Variants in SERPINB7 observed in about 807,000 individuals in gnomAD.
The protein encoded by SERPINB7 is serpin family B member 7, also known as serpin B7.
A neutral mutation model predicts 37.4 loss-of-function variants in SERPINB7; 31 were observed. That is an observed-to-expected ratio of 0.83 (90% confidence interval 0.62 to 1.12). SERPINB7 has a LOEUF of 1.12. SERPINB7 is among the 50% of genes most tolerant of loss of function. The pLI, the probability that SERPINB7 is intolerant of heterozygous loss-of-function variation, is 0.00. For missense variants in SERPINB7, 521 were observed against 455.3 expected, an observed-to-expected ratio of 1.14 and a Z score of -1.31; for synonymous variants, 163 against 166.1, an observed-to-expected ratio of 0.98 and a Z score of 0.14.
chr18:63,793,302 A>G, intron 4 of SERPINB7, 25 bp downstream of exon 4: 1 of 1,213,182 alleles, frequency 8.2e-7, no homozygotes, highest in African/African-American at 1.5e-5. Context: ...CTTTGTTAGA[A>G]GGACCTGAAT....
chr18:63,798,858 T>C (rs2049517778), intron 6 of SERPINB7, 112 bp downstream of exon 6: 4 of 1,098,234 alleles, frequency 3.6e-6, no homozygotes, highest in Non-Finnish European at 5.2e-6. Flanking sequence ...ACCCATTTCT[T>C]CTTTTGCATT....
At chr18:63,779,697 T>C (rs779714742) in intron 1 of SERPINB7, among the ~76,000 whole-genome samples, 32 of 152,120 alleles carry the variant, frequency 2.1e-4, no homozygotes, top group Admixed American at 4.6e-4. Context: ...TTATGTACTC[T>C]GTATCCTGAA....
chr18:63,800,344 G>A (rs1206458609), intron 6 of SERPINB7, among the ~76,000 whole-genome samples: 1 of 152,076 alleles, frequency 6.6e-6, no homozygotes, highest in Non-Finnish European at 1.5e-5. Context: ...TTACAGGCAT[G>A]AGCCACAGCG....
At chr18:63,776,655 G>A (rs1179188704) in intron 1 of SERPINB7, among the ~76,000 whole-genome samples, 1 of 149,960 alleles carries the variant, frequency 6.7e-6, no homozygotes, top group Non-Finnish European at 1.5e-5. Flanking sequence ...ACCAAGGTCT[G>A]TGAGAAGCTC....
At chr18:63,786,626 A>T (rs532296490) in intron 2 of SERPINB7, among the ~76,000 whole-genome samples, 40 of 151,910 alleles carry the variant, frequency 2.6e-4, no homozygotes, top group Admixed American at 3.9e-4. Flanking sequence ...CTTTTTTTTT[A>T]AAAAAAATCC....
At chr18:63,760,265 C>A (rs1218453672) in intron 1 of SERPINB7, among the ~76,000 whole-genome samples, 1 of 152,076 alleles carries the variant, frequency 6.6e-6, no homozygotes, top group East Asian at 1.9e-4. Context: ...TGGCTTTTTG[C>A]CCCTGCCCTA....
chr18:63,755,538 T>A (rs1339536698), intron 1 of SERPINB7, among the ~76,000 whole-genome samples: 2 of 152,164 alleles, frequency 1.3e-5, no homozygotes, highest in Admixed American at 6.5e-5. Flanking sequence ...AGTATCATTT[T>A]AAAAGGTGAA....
chr18:63,798,224 A>G (rs569497752), intron 5 of SERPINB7, among the ~76,000 whole-genome samples: 1 of 152,334 alleles, frequency 6.6e-6, no homozygotes, highest in African/African-American at 2.4e-5. Context: ...TGTAGTAGCA[A>G]AAGGTGGCCT....
Position 63,804,732 on chromosome 18 carries a change from T to G in SERPINB7, c.*97T>G. ...TTAATTGGAAAAATGTGGTGTTTCC[T>G]TTGAGTTTATTTCTTCCTAACATTG... On this transcript the variant is annotated 3_prime_UTR_variant, in exon 8 of 8. Transcript: ENST00000398019. 2.4e-6 allele frequency: 3 copies of G among 1,253,790 alleles called. No homozygotes were observed. The South Asian group carries it at 4.4e-5, about 18-fold the overall frequency. 77.7% of individuals were successfully genotyped at this position (1,253,790 alleles called of 1,614,324 possible). A position where few individuals can be genotyped will look rare whatever the true frequency, so the allele number is the denominator to read the frequency against.
At chr18:63,776,269 AACCTCT>A (rs1363970956) in intron 1 of SERPINB7, among the ~76,000 whole-genome samples, 1 of 151,998 alleles carries the variant, frequency 6.6e-6, no homozygotes, top group Non-Finnish European at 1.5e-5. Context: ...ACATCACCAG[AACCTCT>A]AAAACCTCCC....
At chr18:63,775,178 T>A (rs2049236021), upstream of SERPINB7, among the ~76,000 whole-genome samples, 1 of 152,170 alleles carries the variant, frequency 6.6e-6, no homozygotes, top group Admixed American at 6.5e-5. Context: ...TGACAGATAC[T>A]GTTGATTCTG....
At position 63,794,110 on chromosome 18, in the gene SERPINB7, ATTTTTTTTTTTT is replaced by A. The variant is rs34450022; in HGVS notation, c.336+845_336+856del. Among the ~76,000 whole-genome samples the A allele has an allele frequency of 4.7e-5, 5 of 105,556 alleles. No homozygotes were observed. In the East Asian group the frequency reaches 9.3e-4, roughly 20 times the overall value. 69.2% of individuals were successfully genotyped at this position (105,556 alleles called of 152,430 possible). ...AGGCACGTGCCACCACATCCTGCTA[ATTTTTTTTTTTT>A]TTTTTTTTTTTGTATTTTTAGTAGA... On this transcript the variant is annotated intron_variant, in intron 4 of 7. Transcript: ENST00000398019.
At chr18:63,753,544 C>A (rs983717838) in intron 1 of SERPINB7, among the ~76,000 whole-genome samples, 1 of 152,110 alleles carries the variant, frequency 6.6e-6, no homozygotes, top group African/African-American at 2.4e-5. Context: ...GTGTCACAGA[C>A]CTACTGATTA....
chr18:63,782,046 G>A lies in SERPINB7; in HGVS notation c.-18-309G>A, dbSNP rs566971573. Among the ~76,000 whole-genome samples the A allele has an allele frequency of 2.6e-5, 4 of 152,232 alleles. No individual in the cohort carries two copies. In the South Asian group the frequency reaches 6.2e-4, roughly 24 times the overall value. ...TAATATTTACTTTTGCTCTATTTCA[G>A]TTCAGAAATCTGGGGTGATTTGAGA... On this transcript the variant is annotated intron_variant, in intron 1 of 7. Coordinates refer to ENST00000398019, the MANE Select transcript of SERPINB7 (RefSeq NM_003784.4).
At chr18:63,765,039 A>G (rs1368182859) in intron 1 of SERPINB7, among the ~76,000 whole-genome samples, 1 of 152,188 alleles carries the variant, frequency 6.6e-6, no homozygotes, top group African/African-American at 2.4e-5. Context: ...AAATTGCAGA[A>G]TTTGTTTATG....
intron 4 of SERPINB7, among the ~76,000 whole-genome samples, chr18:63,795,540 G>A (rs1270083001): frequency 6.7e-6 from 1 of 149,900 alleles, no homozygotes; most frequent in Non-Finnish European, 1.5e-5. Context: ...CAGCCTGCAA[G>A]GGGACAAGAG....
chr18:63,774,098 T>TA (rs1340222151), upstream of SERPINB7, among the ~76,000 whole-genome samples: 3 of 152,016 alleles, frequency 2.0e-5, no homozygotes, highest in African/African-American at 7.3e-5. Context: ...ATTTTTTTTT[T>TA]ATATTAACAA....
At chr18:63,756,263 T>C (rs374946082) in intron 1 of SERPINB7, among the ~76,000 whole-genome samples, 1 of 152,140 alleles carries the variant, frequency 6.6e-6, no homozygotes, top group Non-Finnish European at 1.5e-5. Context: ...CTTCCACATG[T>C]TTTTACCTGT....
intron 1 of SERPINB7, among the ~76,000 whole-genome samples, chr18:63,760,604 C>T (rs143848687): frequency 1.2e-3 from 185 of 152,242 alleles, no homozygotes; most frequent in African/African-American, 4.4e-3. Context: ...GGCCTGGAGA[C>T]CCAGGAGGAA....
Sources: allele counts gnomAD v4.1 joint callset (sites outside exome capture counted in the v4.1 genomes callset), GRCh38; gene constraint gnomAD v4.1.1; transcripts MANE v1.5; gene names NCBI Gene and HGNC (gene_info 2026-07-23, HGNC 2026-07-21).